ZNF608: variants seen among roughly 807,000 people sequenced by gnomAD.
ZNF608 encodes renal carcinoma antigen NY-REN-36.
A neutral mutation model predicts 109.0 loss-of-function variants in ZNF608; 12 were observed. The observed-to-expected ratio is 0.11, with a 90% CI of 0.07 to 0.18. ZNF608 has a LOEUF of 0.18. Ranked by LOEUF, ZNF608 falls within the 10% of genes least tolerant of loss-of-function variation. ZNF608 has a pLI of 1.00. For missense variants in ZNF608, 1,707 were observed against 1,879.3 expected, an observed-to-expected ratio of 0.91 and a Z score of 1.70; for synonymous variants, 732 against 717.4, an observed-to-expected ratio of 1.02 and a Z score of -0.33.
rs187241441 is a variant in ZNF608, at chr5:124,691,525, T to G, written c.1162+9489A>C. On this transcript the variant is annotated intron_variant, in intron 3 of 9. Transcript: ENST00000513986. Reference sequence around the variant, plus strand: ...GAAATCAGGATCTTGAAGAGATGTCTGTATTCCCATGTTCATCACAGCATT... The same window carrying G: ...GAAATCAGGATCTTGAAGAGATGTCGGTATTCCCATGTTCATCACAGCATT... Among the ~76,000 whole-genome samples, 14 of 152,376 alleles carry G rather than the reference T, an allele frequency of 9.2e-5. No homozygotes were observed. In the East Asian group the frequency reaches 2.7e-3, roughly 29 times the overall value.
At chr5:124,720,655 T>C (rs763121019) in intron 2 of ZNF608, among the ~76,000 whole-genome samples, 20 of 152,156 alleles carry the variant, frequency 1.3e-4, no homozygotes, top group Non-Finnish European at 2.8e-4. Flanking sequence ...CACTGTTCTT[T>C]TCAACAACAA....
intron 3 of ZNF608, among the ~76,000 whole-genome samples, chr5:124,671,581 A>AG (rs1259129785): frequency 6.6e-6 from 1 of 152,048 alleles, no homozygotes; most frequent in Non-Finnish European, 1.5e-5. Flanking sequence ...ATATGGAGAA[A>AG]GAAACTAGGC....
chr5:124,637,978 T>C, intron 9 of ZNF608, 72 bp from the exon 10 acceptor site: 1 of 1,565,768 alleles, frequency 6.4e-7, no homozygotes, highest in Non-Finnish European at 8.8e-7. Flanking sequence ...GAGTCGGAGT[T>C]TTGCTCTTGT....
At chr5:124,653,265 C>T (rs1750867227) in intron 3 of ZNF608, among the ~76,000 whole-genome samples, 1 of 152,190 alleles carries the variant, frequency 6.6e-6, no homozygotes, top group South Asian at 2.1e-4. Flanking sequence ...TTAATAAGAA[C>T]AAGGTCTTTA....
Position 124,641,352 on chromosome 5 carries a change from A to T in ZNF608, c.4350T>A (p.Asp1450Glu). The change falls in exon 8 of 10, where the codon GAT becomes GAA. Residue 1450 changes from aspartate to glutamate, a missense_variant. Physicochemically the swap from Asp to Glu is conservative, Grantham distance 45. Coordinates refer to ENST00000513986, the MANE Select transcript of ZNF608 (RefSeq NM_020747.3). ...GCCGCTGGCCGAAGGGGGAGTGGCG[A>T]TCCCTTTCCCTTTCTGCCTCCCGTT... ...EREREAERER[D>E]RHSPFGQRHL... is the part of the protein sequence containing the mutation. 6.2e-7 allele frequency: 1 copy of T among 1,614,002 alleles called. No individual in the cohort carries two copies. Among genetic ancestry groups the T allele is most frequent in the Non-Finnish European group, 8.5e-7 (1 of 1,180,016 alleles).
intron 3 of ZNF608, among the ~76,000 whole-genome samples, chr5:124,669,658 A>ACAC (rs1751633931): frequency 2.0e-5 from 3 of 148,270 alleles, no homozygotes; most frequent in African/African-American, 7.4e-5. Flanking sequence ...AACACACACA[A>ACAC]ACACACACAC....
intron 2 of ZNF608, among the ~76,000 whole-genome samples, chr5:124,729,102 G>T (rs141176555): frequency 6.6e-6 from 1 of 152,164 alleles, no homozygotes; most frequent in African/African-American, 2.4e-5. Context: ...TCCCTGAGTC[G>T]CTTTAAAAGC....
chr5:124,665,111 G>C (rs141573381), intron 3 of ZNF608, among the ~76,000 whole-genome samples: 1 of 151,842 alleles, frequency 6.6e-6, no homozygotes, highest in East Asian at 1.9e-4. Context: ...AGGAGGCGGA[G>C]GTTGCAGTGA....
chr5:124,697,892 A>G (rs1314109288), intron 3 of ZNF608, among the ~76,000 whole-genome samples: 4 of 152,182 alleles, frequency 2.6e-5, no homozygotes, highest in African/African-American at 9.7e-5. Flanking sequence ...TAAAACACAC[A>G]CACATATATG....
chr5:124,651,681 G>A (rs1012876432), intron 3 of ZNF608, among the ~76,000 whole-genome samples: 4 of 152,288 alleles, frequency 2.6e-5, no homozygotes, highest in African/African-American at 9.6e-5. Context: ...AAAGGCTTTT[G>A]TTATTGCTTT....
chr5:124,733,912 A>C (rs1749025437), intron 2 of ZNF608, among the ~76,000 whole-genome samples: 1 of 152,242 alleles, frequency 6.6e-6, no homozygotes, highest in Non-Finnish European at 1.5e-5. Context: ...TTGTTGAAAC[A>C]AAATGAAATA....
chr5:124,648,087 G>A lies in ZNF608; in HGVS notation c.2297C>T (p.Pro766Leu). Residue 766 changes from proline (P) to leucine (L), a missense_variant, in exon 5 of 10, where the codon CCC becomes CTC. Pro to Leu is a moderately conservative substitution (Grantham distance 98). Coordinates refer to ENST00000513986, the MANE Select transcript of ZNF608 (RefSeq NM_020747.3). ...TFTTTTTGTI[P>L]GLPSLTTTVV... ...AGTTGTTGTGAGGGAGGGCAGTCCG[G>A]GTATTGTCCCAGTGGTGGTCGTTGT... 14 of 1,614,158 alleles carry A rather than the reference G, an allele frequency of 8.7e-6. No individual in the cohort carries two copies. The highest frequency in any genetic ancestry group is 1.2e-5 in the Non-Finnish European group (14 of 1,180,026).
chr5:124,669,740 T>G (rs1012418927), intron 3 of ZNF608, among the ~76,000 whole-genome samples: 3 of 152,102 alleles, frequency 2.0e-5, no homozygotes, highest in Non-Finnish European at 4.4e-5. Flanking sequence ...GACTCCTGTG[T>G]TTTCCCAAAA....
chr5:124,745,190 A>T lies in ZNF608; in HGVS notation c.-183-18T>A, dbSNP rs1051123358. On this transcript the variant is annotated intron_variant, in intron 1 of 9. Coordinates refer to ENST00000513986, the MANE Select transcript of ZNF608 (RefSeq NM_020747.3). ...ACCTTTTCCTGTGAAGGGGGGGGGA[A>T]AAGTCGAATATTTCTTGTCTGGGTG... is the stretch of plus-strand genomic sequence containing the variant. 171 of 1,404,950 alleles carry T rather than the reference A, an allele frequency of 1.2e-4. No individual in the cohort carries two copies. Among genetic ancestry groups the T allele is most frequent in the Non-Finnish European group, 1.5e-4 (160 of 1,088,714 alleles). 87.0% of individuals were successfully genotyped at this position (1,404,950 alleles called of 1,614,324 possible).
intron 3 of ZNF608, among the ~76,000 whole-genome samples, chr5:124,683,358 G>A (rs570870749): frequency 6.6e-6 from 1 of 152,294 alleles, no homozygotes; most frequent in South Asian, 2.1e-4. Flanking sequence ...CTAGAATAAT[G>A]TGCTACATAG....
chr5:124,647,286 T>C lies in ZNF608; in HGVS notation c.3098A>G (p.Glu1033Gly), dbSNP rs1299523084. The change falls in exon 5 of 10, where the codon GAG (glutamate) becomes GGG (glycine). Residue 1033 changes from glutamate to glycine, a missense_variant. By Grantham distance (98) the Glu-to-Gly change is moderately conservative. Around this residue, in one of 7 missense-constraint regions of ZNF608, gnomAD observed 1,073 missense variants for 1,133.5 expected, o/e 0.95. Coordinates refer to ENST00000513986, the MANE Select transcript of ZNF608 (RefSeq NM_020747.3). Reference sequence around the variant, plus strand: ...TTTCTTTTCAGCATCTTCCTCAGACTCCTTCTTGATCTTCATTCCCTGCGT... The same window carrying C: ...TTTCTTTTCAGCATCTTCCTCAGACCCCTTCTTGATCTTCATTCCCTGCGT... ...GSTQGMKIKK[E>G]SEEDAEKKDK... The C allele has an allele frequency of 6.2e-7, 1 of 1,614,182 alleles. No homozygotes were observed. The highest frequency in any genetic ancestry group is 8.5e-7 in the Non-Finnish European group (1 of 1,180,038).
At chr5:124,710,522 G>A (rs1753445592) in intron 2 of ZNF608, 2 of 245,590 alleles carry the variant, frequency 8.1e-6, no homozygotes, top group South Asian at 4.7e-5. Flanking sequence ...AAGCATCGTG[G>A]GTCGGCTACA....
In ZNF608 at chr5:124,648,742, A is replaced by T; in HGVS notation, c.1642T>A (p.Ser548Thr). The T allele has an allele frequency of 4.3e-6, 7 of 1,614,240 alleles. No individual in the cohort carries two copies. The highest frequency in any genetic ancestry group is 5.9e-6 in the Non-Finnish European group (7 of 1,180,042). The change falls in exon 5 of 10, where the codon TCT becomes ACT. Residue 548 changes from serine (S) to threonine (T), a missense_variant. Ser to Thr is a moderately conservative substitution (Grantham distance 58). Coordinates refer to ENST00000513986, the MANE Select transcript of ZNF608 (RefSeq NM_020747.3). Reference sequence around the variant, plus strand: ...GGACAGTCGATTAACACTGGAGAAGAGCAGCCTTGGTCCAAAAAAGTAGTC... The same window carrying T: ...GGACAGTCGATTAACACTGGAGAAGTGCAGCCTTGGTCCAAAAAAGTAGTC... ...PETTFLDQGCSSPVLIDCPHP... is the reference protein window; with the variant it reads ...PETTFLDQGCTSPVLIDCPHP...
At chr5:124,714,769 T>G (rs1416519746) in intron 2 of ZNF608, among the ~76,000 whole-genome samples, 1 of 152,214 alleles carries the variant, frequency 6.6e-6, no homozygotes, top group African/African-American at 2.4e-5. Flanking sequence ...AGGGCTTGCT[T>G]AATTTGTCAC....
Sources: allele counts gnomAD v4.1 joint callset (sites outside exome capture counted in the v4.1 genomes callset), GRCh38; gene constraint gnomAD v4.1.1; regional missense constraint gnomAD v4.1.1; transcripts MANE v1.5; gene names NCBI Gene and HGNC (gene_info 2026-07-23, HGNC 2026-07-21).